The following ZFYVE26 variants were observed in gnomAD, a reference collection of about 807,000 sequenced individuals.
The protein encoded by ZFYVE26 is zinc finger FYVE domain-containing protein 26.
A neutral mutation model predicts 276.5 loss-of-function variants in ZFYVE26; 181 were observed. The observed-to-expected ratio is 0.65, with a 90% CI of 0.58 to 0.74. The LOEUF (loss-of-function observed/expected upper bound fraction) is 0.74. Among genes scored for constraint, ZFYVE26 ranks in the 30% least tolerant of loss-of-function variants. The pLI is 0.00. For synonymous variants in ZFYVE26, 1,129 were observed against 1,203.1 expected (o/e 0.94, Z 1.27); for missense variants, 2,821 against 3,097.9 (o/e 0.91, Z 2.12).
At chr14:67,738,785 G>A (rs766924675) in intron 13 of ZFYVE26, among the ~76,000 whole-genome samples, 6 of 152,106 alleles carry the variant, frequency 3.9e-5, no homozygotes, top group Non-Finnish European at 8.8e-5. Flanking sequence ...AACTTCAGCA[G>A]ACACTGTTAG....
chr14:67,792,971 A>G (rs1306501061), intron 14 of ZFYVE26, among the ~76,000 whole-genome samples: 2 of 148,540 alleles, frequency 1.3e-5, no homozygotes, highest in Non-Finnish European at 3.0e-5. Flanking sequence ...AACTAGATAA[A>G]AACATGGGCT....
At chr14:67,756,435 A>C (rs1446278870) in intron 35 of ZFYVE26, 1 of 468,512 alleles carries the variant, frequency 2.1e-6, no homozygotes, top group East Asian at 4.2e-5. Flanking sequence ...CTGCACCCAT[A>C]ATTCCCATTG....
chr14:67,769,915 G>T, intron 28 of ZFYVE26, 185 bp from the exon 29 acceptor site: 1 of 780,758 alleles, frequency 1.3e-6, no homozygotes, highest in Non-Finnish European at 2.1e-6. Flanking sequence ...AAAAATATCT[G>T]TCAGCTGATG....
rs1338321552 is a variant in ZFYVE26 at position 67,807,839 on chromosome 14, G to A, written c.445C>T (p.Leu149Phe). 6.2e-7 allele frequency: 1 copy of A among 1,614,034 alleles called. No individual in the cohort carries two copies. Among genetic ancestry groups the A allele is most frequent in the Non-Finnish European group, 8.5e-7 (1 of 1,179,938 alleles). Residue 149 changes from leucine to phenylalanine, a missense_variant, in exon 5 of 42, where the codon CTC becomes TTC. Transcript: ENST00000347230. ...AGCACAGAGACAGCTTCGGAGCTGA[G>A]ACGAGGAGTCCAGCTCTCCCTCCTT... is the stretch of plus-strand genomic sequence containing the variant. ...NPRRESWTPRLSSEAVSVLWD... is the reference protein window; with the variant it reads ...NPRRESWTPRFSSEAVSVLWD...
chr14:67,810,492 A>G (rs181566), intron 3 of ZFYVE26, among the ~76,000 whole-genome samples: 100,311 of 152,112 alleles, frequency 0.66, 33,491 homozygotes, highest in East Asian at 0.93. Context: ...GCACATATTT[A>G]TATATTTTTT....
At chr14:67,788,176 G>A (rs1014482845) in intron 16 of ZFYVE26, among the ~76,000 whole-genome samples, 10 of 151,880 alleles carry the variant, frequency 6.6e-5, no homozygotes, top group African/African-American at 9.7e-5. Context: ...GGATCATTAC[G>A]TCAGGAGTTC....
Position 67,748,641 on chromosome 14 carries a change from T to C in ZFYVE26, c.7417-2A>G. The C allele has an allele frequency of 6.2e-7, 1 of 1,613,830 alleles. No individual in the cohort carries two copies. Among genetic ancestry groups the C allele is most frequent in the South Asian group, 1.1e-5 (1 of 91,064 alleles). On this transcript the variant is annotated splice_acceptor_variant, in intron 41 of 41. Coordinates refer to ENST00000347230, the MANE Select transcript of ZFYVE26 (RefSeq NM_015346.4). LOFTEE classifies it high-confidence loss of function. ...GCAACATATCAGGTAGGCCCGAACC[T>C]GGCAGTCAGTTATAAGAGACAGCGG...
chr14:67,729,236 C>G (rs1269362701), exon 14 of ZFYVE26: 1 of 1,611,062 alleles, frequency 6.2e-7, no homozygotes, highest in African/African-American at 1.3e-5. Context: ...GTCGTCCGCT[C>G]TGAGCTGGTC....
In ZFYVE26 at chr14:67,775,967, A is replaced by T. The variant is rs2039330433; in HGVS notation, c.5114T>A (p.Leu1705Gln). 6.2e-7 allele frequency: 1 copy of T among 1,614,224 alleles called. No individual in the cohort carries two copies. The highest frequency in any genetic ancestry group is 2.2e-5 in the East Asian group (1 of 44,880). Residue 1705 changes from leucine to glutamine, a missense_variant, in exon 26 of 42, where the codon CTG becomes CAG. By Grantham distance (113) the Leu-to-Gln change is moderately radical (BLOSUM62 -2). Coordinates refer to ENST00000347230, the MANE Select transcript of ZFYVE26 (RefSeq NM_015346.4). Reference sequence around the variant, plus strand: ...AGTGAAGCCAATCTCCTGTCCAACCAGCAGCTGCTGGAGAGTCTGCACAGC... The same window carrying T: ...AGTGAAGCCAATCTCCTGTCCAACCTGCAGCTGCTGGAGAGTCTGCACAGC... ...TVAVQTLQQL[L>Q]VGQEIGFTMD...
downstream of ZFYVE26, among the ~76,000 whole-genome samples, chr14:67,746,082 C>T (rs2038483294): frequency 6.6e-6 from 1 of 150,842 alleles, no homozygotes; most frequent in African/African-American, 2.4e-5. Flanking sequence ...ATGGCAACAA[C>T]ATAAAATGTC....
chr14:67,809,836 G>A (rs1432610841), intron 3 of ZFYVE26, among the ~76,000 whole-genome samples: 1 of 144,552 alleles, frequency 6.9e-6, no homozygotes, highest in Non-Finnish European at 1.5e-5. Flanking sequence ...CCAGGCTGGA[G>A]TGTAGTGGCG....
chr14:67,769,528 A>C (rs1048185809), intron 29 of ZFYVE26, 66 bp downstream of exon 29: 1 of 1,607,846 alleles, frequency 6.2e-7, no homozygotes, highest in Non-Finnish European at 8.5e-7. Context: ...GACTCCTAGG[A>C]GTGTAGGGAC....
chr14:67,767,909 C>T (rs1174746529), intron 30 of ZFYVE26, 69 bp from the exon 31 acceptor site: 28 of 1,609,156 alleles, frequency 1.7e-5, no homozygotes, highest in Non-Finnish European at 3.4e-6. Flanking sequence ...GTCCAGTGAG[C>T]TGGCATGAGT....
At position 67,785,921 on chromosome 14, in the gene ZFYVE26, T is replaced by C. The variant is rs775560361; in HGVS notation, c.3241A>G (p.Thr1081Ala). Residue 1081 changes from threonine to alanine, a missense_variant, in exon 18 of 42, where the codon ACC becomes GCC. Transcript: ENST00000347230. Reference protein sequence around the residue: ...SLSEDCVASHTTLSQQLDQVL... With the variant: ...SLSEDCVASHATLSQQLDQVL... The stretch of plus-strand genomic sequence containing the variant: ...TGATCTAGCTGCTGGGAGAGGGTGG[T>C]GTGGCTGGCAACACAGTCCTCGCTT... 5.6e-6 allele frequency: 9 copies of C among 1,614,060 alleles called. No homozygotes were observed. The African/African-American group carries it at 6.7e-5, about 12-fold the overall frequency.
At chr14:67,752,129 T>A (rs758918638) in intron 40 of ZFYVE26, among the ~76,000 whole-genome samples, 2 of 152,208 alleles carry the variant, frequency 1.3e-5, no homozygotes, top group Admixed American at 6.5e-5. Context: ...CACAATGGGA[T>A]GTTGAGGGTC....
intron 14 of ZFYVE26, among the ~76,000 whole-genome samples, chr14:67,791,669 A>AG (rs2039816778): frequency 6.6e-6 from 1 of 151,798 alleles, no homozygotes; most frequent in Admixed American, 6.6e-5. Flanking sequence ...AAAAAAAAAA[A>AG]AGACCACGGC....
chr14:67,758,496 T>C (rs1303475535), intron 35 of ZFYVE26, among the ~76,000 whole-genome samples: 2 of 152,102 alleles, frequency 1.3e-5, no homozygotes, highest in African/African-American at 2.4e-5. Flanking sequence ...AAAGACTCAA[T>C]TGTAAACAAA....
At position 67,754,319 on chromosome 14, in the gene ZFYVE26, T is replaced by C. The variant is rs150297430; in HGVS notation, c.6987-107A>G. ...ATGGCAATGAAAAAGGGAAAACAAATGATATAGTGGGAAAAGAGACCTCAA... is the reference window on the plus strand; with the variant it reads ...ATGGCAATGAAAAAGGGAAAACAAACGATATAGTGGGAAAAGAGACCTCAA... On this transcript the variant is annotated intron_variant, in intron 37 of 41. Transcript: ENST00000347230. 4.7e-3 allele frequency: 6,981 copies of C among 1,473,900 alleles called. 38 individuals carry two copies. The highest frequency in any genetic ancestry group is 7.3e-3 in the Middle Eastern group (31 of 4,260). 91.3% of individuals were successfully genotyped at this position (1,473,900 alleles called of 1,614,324 possible). A position where few individuals can be genotyped will look rare whatever the true frequency, so the allele number is the denominator to read the frequency against.
chr14:67,749,663 T>C (rs2140177550), intron 41 of ZFYVE26, among the ~76,000 whole-genome samples: 1 of 152,350 alleles, frequency 6.6e-6, no homozygotes, highest in Non-Finnish European at 1.5e-5. Context: ...TTTCTTTCCT[T>C]TCTAAGCTGA....
Sources: allele counts gnomAD v4.1 joint callset (sites outside exome capture counted in the v4.1 genomes callset), GRCh38; gene constraint gnomAD v4.1.1; transcripts MANE v1.5; gene names NCBI Gene and HGNC (gene_info 2026-07-23, HGNC 2026-07-21).